The following EXD2 variants were observed in gnomAD, a reference collection of about 807,000 sequenced individuals.
EXD2 encodes exonuclease 3'-5' domain-containing protein 2.
Under a neutral mutation model 62.5 loss-of-function variants are expected in EXD2, and 40 were observed. The observed-to-expected ratio is 0.64, with a 90% CI of 0.50 to 0.83. The LOEUF is 0.83. Ranked by LOEUF, EXD2 falls within the 40% of genes least tolerant of loss-of-function variation. EXD2 has a pLI of 0.00. For missense variants in EXD2, 671 were observed against 761.8 expected (o/e 0.88, Z 1.40); for synonymous variants, 239 against 291.9 (o/e 0.82, Z 1.85).
At chr14:69,200,289 G>A (rs548863917) in intron 1 of EXD2, among the ~76,000 whole-genome samples, 1 of 152,294 alleles carries the variant, frequency 6.6e-6, no homozygotes, top group Non-Finnish European at 1.5e-5. Flanking sequence ...AAGAGAATGG[G>A]AATTCTTGTT....
At chr14:69,205,640 G>A (rs1411176721) in intron 2 of EXD2, among the ~76,000 whole-genome samples, 1 of 151,788 alleles carries the variant, frequency 6.6e-6, no homozygotes, top group Non-Finnish European at 1.5e-5. Context: ...TATTTTTATT[G>A]GCTTTAGGAT....
rs556861811 is a variant in EXD2 at position 69,216,676 on chromosome 14, T to A, written c.333+6873T>A. Among the ~76,000 whole-genome samples, 14 of 152,274 alleles carry A rather than the reference T, an allele frequency of 9.2e-5. No homozygotes were observed. The East Asian group carries it at 2.7e-3, about 29-fold the overall frequency. ...TTTGATTGAGATTGTATTGTATAGA[T>A]CAGTTTGTAGGGAACTGACTTCTTT... On this transcript the variant is annotated intron_variant, in intron 3 of 9. Coordinates refer to ENST00000685843, the MANE Select transcript of EXD2 (RefSeq NM_001193360.2).
At chr14:69,202,270 G>C (rs77976301) in intron 1 of EXD2, among the ~76,000 whole-genome samples, 2 of 148,300 alleles carry the variant, frequency 1.3e-5, no homozygotes, top group Admixed American at 6.6e-5. Flanking sequence ...TAGCTACTTG[G>C]GGGGGTTGAG....
intron 3 of EXD2, chr14:69,223,992 A>T (rs1372878828): frequency 6.6e-6 from 1 of 152,188 alleles, no homozygotes; most frequent in African/African-American, 2.4e-5. Context: ...GGGAACAGGC[A>T]TCTTACATGG....
At chr14:69,204,044 A>G (rs907638224) in intron 2 of EXD2, 44 bp downstream of exon 2, 6 of 152,200 alleles carry the variant, frequency 3.9e-5, no homozygotes, top group Non-Finnish European at 7.4e-5. Flanking sequence ...ATTTGATGTT[A>G]GGTCTTGTGT....
chr14:69,234,936 G>A lies in EXD2; in HGVS notation c.954G>A (p.Lys318=), dbSNP rs747233095. ...AATCTCAGCAGAAGCCAAGAAATAAGAAGTCTAAGATGGATGGGATGGTGC... is the reference window on the plus strand; with the variant it reads ...AATCTCAGCAGAAGCCAAGAAATAAAAAGTCTAAGATGGATGGGATGGTGC... ...ATESQQKPRN[K]KSKMDGMVPG... The change falls in exon 6 of 10, where the codon AAG becomes AAA. Residue 318 remains lysine (K), a synonymous_variant. Coordinates refer to ENST00000685843, the MANE Select transcript of EXD2 (RefSeq NM_001193360.2). 6.2e-7 allele frequency: 1 copy of A among 1,613,974 alleles called. No homozygotes were observed. The highest frequency in any genetic ancestry group is 1.3e-5 in the African/African-American group (1 of 75,050).
At chr14:69,225,314 CTA>C (rs1473446187) in intron 3 of EXD2, among the ~76,000 whole-genome samples, 2 of 152,300 alleles carry the variant, frequency 1.3e-5, no homozygotes, top group Non-Finnish European at 2.9e-5. Context: ...ATTCCAGAAA[CTA>C]TTTTTTATGA....
chr14:69,240,843 G>A (rs778231206), intron 9 of EXD2, 41 bp from the exon 10 acceptor site: 25 of 1,578,372 alleles, frequency 1.6e-5, no homozygotes, highest in East Asian at 2.3e-5. Flanking sequence ...GCCATCCTGC[G>A]CTTGTTTCCC....
chr14:69,241,735 C>T lies in EXD2; in HGVS notation c.*635C>T. 1 of 397,928 alleles carries T rather than the reference C, an allele frequency of 2.5e-6. No homozygotes were observed. The highest frequency in any genetic ancestry group is 4.4e-6 in the Non-Finnish European group (1 of 225,872). 24.6% of individuals were successfully genotyped at this position (397,928 alleles called of 1,614,324 possible). On this transcript the variant is annotated 3_prime_UTR_variant, in exon 10 of 10. Transcript: ENST00000685843. ...CCAAACAGCAACTTCCTGCCACACA[C>T]TTCCACCCTATCACTGGGAGAAATC...
At chr14:69,236,315 C>T (rs1447019263) in intron 7 of EXD2, 92 bp from the exon 8 acceptor site, 9 of 1,587,180 alleles carry the variant, frequency 5.7e-6, no homozygotes, top group South Asian at 5.6e-5. Flanking sequence ...CTCTGCCAGG[C>T]CATAGCAGAG....
At chr14:69,234,118 A>G (rs1197625821) in intron 5 of EXD2, among the ~76,000 whole-genome samples, 2 of 152,176 alleles carry the variant, frequency 1.3e-5, no homozygotes, top group Non-Finnish European at 2.9e-5. Flanking sequence ...GCTTAGGAGA[A>G]TGACTTACCA....
chr14:69,236,371 G>A (rs769385275), intron 7 of EXD2, 36 bp from the exon 8 acceptor site: 7 of 1,613,740 alleles, frequency 4.3e-6, no homozygotes, highest in Non-Finnish European at 5.9e-6. Context: ...GTGGGGGCAG[G>A]GGGAGCAGTC....
chr14:69,234,856 T>A lies in EXD2; in HGVS notation c.874T>A (p.Phe292Ile). The change falls in exon 6 of 10, where the codon TTT becomes ATT. Residue 292 changes from phenylalanine (F) to isoleucine (I), a missense_variant. Transcript: ENST00000685843. ...ATGCCAGGGTGTGGTCGACATCCCA[T>A]TTCGAAGCAAAGGAATGAGCAGATT... ...EKCQGVVDIPFRSKGMSRLGE... is the reference protein window; with the variant it reads ...EKCQGVVDIPIRSKGMSRLGE... 1 of 1,614,164 alleles carries A rather than the reference T, an allele frequency of 6.2e-7. No individual in the cohort carries two copies.
intron 1 of EXD2, among the ~76,000 whole-genome samples, chr14:69,199,445 A>G (rs1184864433): frequency 2.0e-5 from 3 of 152,234 alleles, no homozygotes; most frequent in Admixed American, 6.5e-5. Context: ...TTTTGGAATA[A>G]TAAGTTAACC....
chr14:69,198,380 C>G (rs1362098854), intron 1 of EXD2, among the ~76,000 whole-genome samples: 1 of 152,172 alleles, frequency 6.6e-6, no homozygotes, highest in African/African-American at 2.4e-5. Context: ...CCTCTCCGCT[C>G]TGCTTTATGA....
chr14:69,239,119 C>T (rs190010379), intron 9 of EXD2: 3 of 152,368 alleles, frequency 2.0e-5, no homozygotes, highest in Admixed American at 6.5e-5. Context: ...AGCAGAATTG[C>T]TGTTACTATG....
chr14:69,236,139 C>A lies in EXD2; in HGVS notation c.1143C>A (p.Asp381Glu). 1.9e-6 allele frequency: 3 copies of A among 1,613,698 alleles called. No homozygotes were observed. Among genetic ancestry groups the A allele is most frequent in the Non-Finnish European group, 2.5e-6 (3 of 1,179,610 alleles). Residue 381 changes from aspartate (D) to glutamate (E), a missense_variant, in exon 7 of 10, where the codon GAC becomes GAA. Coordinates refer to ENST00000685843, the MANE Select transcript of EXD2 (RefSeq NM_001193360.2). ...CDRRKAQWYL[D>E]KGIGELVSEE... is the part of the protein sequence containing the mutation. ...GAAGAAAAGCTCAGTGGTACCTGGA[C>A]AAAGGCATTGGTGGTATGAGATTCA...
chr14:69,238,067 A>G, intron 9 of EXD2, 136 bp downstream of exon 9: 1 of 718,282 alleles, frequency 1.4e-6, no homozygotes, highest in Non-Finnish European at 2.3e-6. Context: ...GGTGTCTAGT[A>G]GTTTAAGATA....
chr14:69,209,992 A>G, intron 3 of EXD2, 189 bp downstream of exon 3: 1 of 476,744 alleles, frequency 2.1e-6, no homozygotes, highest in East Asian at 3.3e-5. Flanking sequence ...AGTGCTTACA[A>G]TTATGGATTA....
Sources: gnomAD v4.1 joint callset for allele counts (sites outside exome capture counted in the v4.1 genomes callset) on GRCh38, gnomAD v4.1.1 for gene constraint, MANE v1.5 for transcripts, NCBI Gene and HGNC (gene_info 2026-07-23, HGNC 2026-07-21) for gene names.